NDUFAF6: variants seen among roughly 807,000 people sequenced by gnomAD.
NDUFAF6 encodes NADH dehydrogenase (ubiquinone) complex I, assembly factor 6.
Under a neutral mutation model 40.8 loss-of-function variants are expected in NDUFAF6, and 45 were observed. That is an observed-to-expected ratio of 1.10 (90% CI 0.87 to 1.42). The LOEUF (loss-of-function observed/expected upper bound fraction) is 1.42. Among genes scored for constraint, NDUFAF6 ranks in the 40% most tolerant of loss-of-function variants. The pLI, the probability that NDUFAF6 is intolerant of heterozygous loss-of-function variation, is 0.00. For missense variants in NDUFAF6, 435 were observed against 418.5 expected, an observed-to-expected ratio of 1.04 and a Z score of -0.34; for synonymous variants, 185 against 155.9, an observed-to-expected ratio of 1.19 and a Z score of -1.39.
At chr8:95,077,551 C>T (rs1282196651), downstream of NDUFAF6, among the ~76,000 whole-genome samples, 1 of 152,204 alleles carries the variant, frequency 6.6e-6, no homozygotes, top group African/African-American at 2.4e-5. Flanking sequence ...GAACTCAGAA[C>T]AGCATGCAAT....
intron 1 of NDUFAF6, chr8:94,940,859 T>C: frequency 1.2e-6 from 2 of 1,613,666 alleles, no homozygotes; most frequent in Non-Finnish European, 1.7e-6. Context: ...CCATTCATCA[T>C]CTTCTTTCTC....
At chr8:94,998,315 C>T (rs1423528421) in intron 2 of NDUFAF6, among the ~76,000 whole-genome samples, 1 of 151,792 alleles carries the variant, frequency 6.6e-6, no homozygotes, top group African/African-American at 2.4e-5. Flanking sequence ...ATCCTTGTCC[C>T]CAGATGACAA....
chr8:95,041,700 T>C (rs1830167482), intron 4 of NDUFAF6, 74 bp downstream of exon 4: 1 of 1,193,378 alleles, frequency 8.4e-7, no homozygotes. Flanking sequence ...AAGAAGGACA[T>C]TTTTTGACTG....
rs182902407 is a variant in NDUFAF6, at chr8:95,092,647, C to T, written n.214-8485C>T. ...TCGCCCAGGCTGGAGTGCAGTGGCA[C>T]GATCTCAGCTCACTGCAACCTCCGC... is the stretch of plus-strand genomic sequence containing the variant. On this transcript the variant is annotated intron_variant and non_coding_transcript_variant, in intron 2 of 5. Coordinates refer to the NDUFAF6 transcript ENST00000523184. Among the ~76,000 whole-genome samples, 1,161 of 132,194 alleles carry T rather than the reference C, an allele frequency of 8.8e-3. 13 individuals carry two copies. Among genetic ancestry groups the T allele is most frequent in the Middle Eastern group, 0.059 (10 of 170 alleles). 86.7% of individuals were successfully genotyped at this position (132,194 alleles called of 152,430 possible).
At chr8:95,015,406 A>G (rs1010860296) in intron 2 of NDUFAF6, among the ~76,000 whole-genome samples, 1 of 152,242 alleles carries the variant, frequency 6.6e-6, no homozygotes, top group Non-Finnish European at 1.5e-5. Context: ...TTCTGGCTTC[A>G]TGGAACAAAA....
intron 2 of NDUFAF6, among the ~76,000 whole-genome samples, chr8:95,081,820 G>T (rs1363091776): frequency 6.6e-6 from 1 of 152,224 alleles, no homozygotes; most frequent in Non-Finnish European, 1.5e-5. Flanking sequence ...CCAGCACTTT[G>T]GGAGGCCGAG....
intron 2 of NDUFAF6, among the ~76,000 whole-genome samples, chr8:95,010,025 G>T (rs1255559735): frequency 6.6e-6 from 1 of 152,132 alleles, no homozygotes; most frequent in East Asian, 1.9e-4. Context: ...GTTTGGGAAG[G>T]TCAAGTGCCA....
intron 1 of NDUFAF6, among the ~76,000 whole-genome samples, chr8:94,900,960 A>T (rs1817976660): frequency 6.6e-6 from 1 of 152,114 alleles, no homozygotes; most frequent in Admixed American, 6.5e-5. Context: ...AGTGTAAGGG[A>T]GGGGGAATGT....
At chr8:95,107,478 GA>G (rs1473730715), downstream of NDUFAF6, among the ~76,000 whole-genome samples, 2 of 152,082 alleles carry the variant, frequency 1.3e-5, no homozygotes, top group African/African-American at 2.4e-5. Flanking sequence ...GGGCCTGTCG[GA>G]GGGGTAGGAG....
At chr8:95,065,961 T>C (rs1019066644) in intron 9 of NDUFAF6, among the ~76,000 whole-genome samples, 10 of 152,250 alleles carry the variant, frequency 6.6e-5, no homozygotes, top group African/African-American at 2.2e-4. Flanking sequence ...CATGTTTTCA[T>C]TTCTTGCATT....
At chr8:94,944,720 T>G (rs529018163) in intron 1 of NDUFAF6, among the ~76,000 whole-genome samples, 106 of 152,246 alleles carry the variant, frequency 7.0e-4, no homozygotes, top group African/African-American at 2.5e-3. Context: ...TGGGGAGGGT[T>G]AAAGGGGCCT....
chr8:94,936,090 T>C (rs778769603), intron 1 of NDUFAF6, among the ~76,000 whole-genome samples: 1 of 152,190 alleles, frequency 6.6e-6, no homozygotes, highest in South Asian at 2.1e-4. Flanking sequence ...CAGTAACAAC[T>C]ACTAGCACTT....
chr8:95,042,240 G>A (rs1274509580), intron 4 of NDUFAF6, among the ~76,000 whole-genome samples: 1 of 152,204 alleles, frequency 6.6e-6, no homozygotes, highest in Non-Finnish European at 1.5e-5. Context: ...ATTGCTGTGT[G>A]ACCTGGCCTA....
chr8:95,041,797 T>G (rs1346993966), intron 4 of NDUFAF6, among the ~76,000 whole-genome samples, 171 bp downstream of exon 4: 2 of 152,144 alleles, frequency 1.3e-5, no homozygotes, highest in African/African-American at 4.8e-5. Context: ...CCCCATACCC[T>G]CACATTGAGA....
At chr8:94,955,068 C>T (rs1448584612), upstream of NDUFAF6, among the ~76,000 whole-genome samples, 1 of 152,150 alleles carries the variant, frequency 6.6e-6, no homozygotes, top group Non-Finnish European at 1.5e-5. Context: ...CTTCTAAGTG[C>T]CTCAGTTTCC....
chr8:94,938,920 G>A (rs1006086747), intron 1 of NDUFAF6, among the ~76,000 whole-genome samples: 2 of 152,206 alleles, frequency 1.3e-5, no homozygotes, highest in African/African-American at 4.8e-5. Flanking sequence ...ATCAGAAATG[G>A]GAGGCAGTCT....
chr8:94,924,871 G>GAGCTGGGATT (rs1393984236), intron 1 of NDUFAF6, among the ~76,000 whole-genome samples: 1 of 152,042 alleles, frequency 6.6e-6, no homozygotes, highest in African/African-American at 2.4e-5. Flanking sequence ...GCCTCCCGAG[G>GAGCTGGGATT]AGCTGGGATT....
At chr8:95,045,693 C>T (rs1395669384) in intron 5 of NDUFAF6, 46 bp downstream of exon 5, 14 of 1,461,618 alleles carry the variant, frequency 9.6e-6, no homozygotes, top group Non-Finnish European at 1.2e-5. Context: ...AATAAAATAC[C>T]TATGAGATTT....
intron 1 of NDUFAF6, among the ~76,000 whole-genome samples, chr8:94,901,120 C>T (rs953002106): frequency 6.6e-6 from 1 of 152,058 alleles, no homozygotes; most frequent in African/African-American, 2.4e-5. Flanking sequence ...ATAAGCCATA[C>T]AAATAGGAAG....
Sources: gnomAD v4.1 joint callset for allele counts (sites outside exome capture counted in the v4.1 genomes callset) on GRCh38, gnomAD v4.1.1 for gene constraint, MANE v1.5 for transcripts, NCBI Gene and HGNC (gene_info 2026-07-23, HGNC 2026-07-21) for gene names.